ERC1: variants seen among roughly 807,000 people sequenced by gnomAD.
The protein encoded by ERC1 is RAB6 interacting protein 2.
In ERC1, 56 loss-of-function variants were observed where a neutral mutation model predicts 132.0. The ratio of observed to expected loss-of-function variants is 0.42; its 90% confidence interval spans 0.34 to 0.53. The LOEUF (loss-of-function observed/expected upper bound fraction) is 0.53. ERC1 is among the 20% of genes least tolerant of loss of function. The probability of loss-of-function intolerance (pLI) is 0.03; values close to 1 mark genes in which losing one functional copy is unlikely to be tolerated. For missense variants in ERC1, 1,202 were observed against 1,349.9 expected, an observed-to-expected ratio of 0.89 and a Z score of 1.72; for synonymous variants, 478 against 476.1, an observed-to-expected ratio of 1.00 and a Z score of -0.05.
At chr12:1,131,593 C>T (rs1326874724) in intron 7 of ERC1, among the ~76,000 whole-genome samples, 1 of 151,400 alleles carries the variant, frequency 6.6e-6, no homozygotes. Context: ...TCCCGAGTAG[C>T]TGGGATTACA....
intron 2 of ERC1, among the ~76,000 whole-genome samples, chr12:1,048,309 G>T (rs1043653727): frequency 6.6e-6 from 1 of 152,140 alleles, no homozygotes; most frequent in African/African-American, 2.4e-5. Flanking sequence ...CATTACAAGG[G>T]TTAAAATCTA....
chr12:1,337,700 G>A (rs934619804), intron 15 of ERC1, among the ~76,000 whole-genome samples: 8 of 152,136 alleles, frequency 5.3e-5, no homozygotes, highest in African/African-American at 1.9e-4. Context: ...TCCATATTTA[G>A]TGCTTCCTTA....
At chr12:1,452,715 G>A (rs1440332770) in intron 18 of ERC1, among the ~76,000 whole-genome samples, 2 of 152,006 alleles carry the variant, frequency 1.3e-5, no homozygotes, top group Non-Finnish European at 2.9e-5. Flanking sequence ...TTCTTTTTGT[G>A]TGTGTGTCAT....
At chr12:1,409,040 A>C (rs1159735729) in intron 17 of ERC1, among the ~76,000 whole-genome samples, 1 of 152,218 alleles carries the variant, frequency 6.6e-6, no homozygotes, top group East Asian at 1.9e-4. Context: ...ATCAAGGAAA[A>C]CTTTCCTGCT....
At chr12:1,460,400 C>T (rs1312538035) in intron 18 of ERC1, among the ~76,000 whole-genome samples, 3 of 152,158 alleles carry the variant, frequency 2.0e-5, no homozygotes, top group African/African-American at 4.8e-5. Context: ...GCAGGTGGAG[C>T]TTTGTGTGGG....
chr12:1,381,127 C>T (rs1004109458), intron 16 of ERC1: 10 of 152,228 alleles, frequency 6.6e-5, no homozygotes, highest in African/African-American at 2.4e-4. Context: ...AGGGCCCCTT[C>T]ACCTTGCCCT....
At chr12:1,398,019 T>C (rs1640624941) in intron 16 of ERC1, among the ~76,000 whole-genome samples, 1 of 152,166 alleles carries the variant, frequency 6.6e-6, no homozygotes, top group Non-Finnish European at 1.5e-5. Context: ...GTGGTCTCAC[T>C]CTCTCCCAGG....
At chr12:1,104,506 C>T (rs530842244) in intron 3 of ERC1, among the ~76,000 whole-genome samples, 3 of 152,290 alleles carry the variant, frequency 2.0e-5, no homozygotes, top group South Asian at 4.1e-4. Flanking sequence ...TAGCTCGTGT[C>T]TGTGTGACTG....
At chr12:1,151,488 C>G (rs1222887273) in intron 8 of ERC1, among the ~76,000 whole-genome samples, 1 of 152,152 alleles carries the variant, frequency 6.6e-6, no homozygotes, top group Non-Finnish European at 1.5e-5. Flanking sequence ...CTGTTATATT[C>G]CAGTGGAGAG....
chr12:1,072,093 T>C (rs1164447598), intron 2 of ERC1, among the ~76,000 whole-genome samples: 1 of 143,896 alleles, frequency 6.9e-6, no homozygotes, highest in Non-Finnish European at 1.5e-5. Context: ...AGAGCAAGAC[T>C]CTGTCTCAAA....
chr12:1,487,822 G>GAGAGAGAA (rs1555132989), intron 18 of ERC1, among the ~76,000 whole-genome samples: 1 of 148,704 alleles, frequency 6.7e-6, no homozygotes, highest in Admixed American at 6.7e-5. Context: ...GAGAGAGAGA[G>GAGAGAGAA]AGAAAGAAAA....
intron 1 of ERC1, among the ~76,000 whole-genome samples, chr12:1,026,652 C>T (rs1452637026): frequency 6.6e-6 from 1 of 152,116 alleles, no homozygotes; most frequent in African/African-American, 2.4e-5. Context: ...ATGTGGGATA[C>T]ATATAAACAG....
intron 2 of ERC1, among the ~76,000 whole-genome samples, chr12:1,082,427 T>C (rs1011586105): frequency 6.6e-6 from 1 of 151,384 alleles, no homozygotes; most frequent in African/African-American, 2.4e-5. Context: ...GTGCTGGGAT[T>C]ATAGGTGTGA....
intron 8 of ERC1, among the ~76,000 whole-genome samples, chr12:1,178,856 A>G (rs1471637151): frequency 6.6e-6 from 1 of 152,158 alleles, no homozygotes; most frequent in African/African-American, 2.4e-5. Flanking sequence ...ACTAGAATGT[A>G]AGCTCCATGA....
intron 14 of ERC1, among the ~76,000 whole-genome samples, chr12:1,269,600 G>A (rs1246885560): frequency 1.3e-5 from 2 of 152,182 alleles, no homozygotes; most frequent in East Asian, 3.8e-4. Context: ...GTGTTGGGTG[G>A]AGGATGAATT....
At position 1,491,578 on chromosome 12, in the gene ERC1, A is replaced by C; in HGVS notation, c.*1348A>C. ...GGTGTGTTTTCTAGAAAAGTTCCCT[A>C]ATGGAATTCATGAGTTTGGGGGTCT... On this transcript the variant is annotated 3_prime_UTR_variant, in exon 19 of 19. Coordinates refer to ENST00000360905, the MANE Select transcript of ERC1 (RefSeq NM_178040.4). The C allele has an allele frequency of 5.0e-6, 1 of 200,306 alleles. No individual in the cohort carries two copies. The highest frequency in any genetic ancestry group is 6.2e-5 in the East Asian group (1 of 16,062). 12.4% of individuals were successfully genotyped at this position (200,306 alleles called of 1,614,324 possible).
rs376241201 is a variant in ERC1 at position 1,121,833 on chromosome 12, CTCTA to C, written c.1569+5808_1569+5811del. On this transcript the variant is annotated intron_variant, in intron 7 of 18. Transcript: ENST00000360905. ...TCTCTATCTCTATCTGTGTCTCTAT[CTCTA>C]TCTATCTCTATCTCTATCTCTATCT... is the stretch of plus-strand genomic sequence containing the variant. Among the ~76,000 whole-genome samples, 117 of 13,384 alleles carry C rather than the reference CTCTA, an allele frequency of 8.7e-3. 17 individuals are homozygous for C. The highest frequency in any genetic ancestry group is 0.045 in the Middle Eastern group (1 of 22). The allele number at this position is 13,384 out of a possible 152,430, so 8.8% of individuals were successfully genotyped here.
chr12:1,252,204 C>T (rs574140317), intron 13 of ERC1, among the ~76,000 whole-genome samples: 1 of 152,154 alleles, frequency 6.6e-6, no homozygotes, highest in Admixed American at 6.5e-5. Flanking sequence ...TTATAGTTGC[C>T]TTATTATGCC....
intron 16 of ERC1, among the ~76,000 whole-genome samples, chr12:1,400,152 C>T (rs761216977): frequency 1.3e-5 from 2 of 152,168 alleles, no homozygotes; most frequent in African/African-American, 2.4e-5. Context: ...TCCTGTAGAT[C>T]ACTGTGGCTT....
Sources: gnomAD v4.1 joint callset for allele counts (sites outside exome capture counted in the v4.1 genomes callset) on GRCh38, gnomAD v4.1.1 for gene constraint, MANE v1.5 for transcripts, NCBI Gene and HGNC (gene_info 2026-07-23, HGNC 2026-07-21) for gene names.